The following PARP6 variants were observed in gnomAD, a reference collection of about 807,000 sequenced individuals.
PARP6 encodes poly(ADP-ribose) polymerase family member 6.
PARP6 carries 27 observed loss-of-function variants against 92.0 expected under a neutral mutation model. The observed-to-expected ratio is 0.29, with a 90% CI of 0.22 to 0.40. The LOEUF is 0.40. Ranked by LOEUF, PARP6 falls within the 10% of genes least tolerant of loss-of-function variation. PARP6 has a pLI of 1.00. For synonymous variants in PARP6, 272 were observed against 281.2 expected, an observed-to-expected ratio of 0.97 and a Z score of 0.33; for missense variants, 501 against 784.5, an observed-to-expected ratio of 0.64 and a Z score of 4.32.
intron 7 of PARP6, 35 bp from the exon 8 acceptor site, chr15:72,264,656 T>C (rs1180210485): frequency 1.3e-6 from 2 of 1,551,970 alleles, no homozygotes; most frequent in South Asian, 2.2e-5. Flanking sequence ...AGTAAGTACA[T>C]ATCTCTTGTC....
Position 72,242,230 on chromosome 15 carries a change from A to G in PARP6, c.1642-10T>C. 1 of 1,612,400 alleles carries G rather than the reference A, an allele frequency of 6.2e-7. No homozygotes were observed. The highest frequency in any genetic ancestry group is 8.5e-7 in the Non-Finnish European group (1 of 1,178,468). ...ACTGAATGGATCGGGTCTGGAAGAG[A>G]AGGAGGCAAAGGAGACCAGAGCCAG... is the stretch of plus-strand genomic sequence containing the variant. On this transcript the variant is annotated splice_polypyrimidine_tract_variant and intron_variant, in intron 21 of 23. Coordinates refer to ENST00000569795, the MANE Select transcript of PARP6 (RefSeq NM_001323532.2). The surrounding 1 kb of genome is among the most constrained non-coding windows in gnomAD (Gnocchi z 4.3).
At position 72,249,293 on chromosome 15, in the gene PARP6, T is replaced by C; in HGVS notation, c.1513A>G (p.Lys505Glu). 1 of 1,600,836 alleles carries C rather than the reference T, an allele frequency of 6.2e-7. No individual in the cohort carries two copies. The change falls in exon 20 of 24, where the codon AAA (lysine) becomes GAA (glutamate). Residue 505 changes from lysine to glutamate, a missense_variant. Physicochemically the swap from Lys to Glu is moderately conservative, Grantham distance 56. This residue lies in a region of PARP6 where 191 missense variants were observed against 399.1 expected (regional missense o/e 0.48). Coordinates refer to ENST00000569795, the MANE Select transcript of PARP6 (RefSeq NM_001323532.2). Reference protein sequence around the residue: ...KLQLHGAAYGKGIYLSPISSI... With the variant: ...KLQLHGAAYGEGIYLSPISSI... ...GAGATGGGGCTCAGGTAGATGCCTTTGCCATAGGCTGCTCCATGCAGCTTG... is the reference window on the plus strand; with the variant it reads ...GAGATGGGGCTCAGGTAGATGCCTTCGCCATAGGCTGCTCCATGCAGCTTG...
chr15:72,272,164 C>G (rs2087539672), intron 1 of PARP6: 1 of 152,306 alleles, frequency 6.6e-6, no homozygotes, highest in South Asian at 2.1e-4. Flanking sequence ...GGCTGCCCCG[C>G]GAAAACACTC....
intron 8 of PARP6, among the ~76,000 whole-genome samples, chr15:72,264,021 C>CAAA (rs34865114): frequency 4.1e-5 from 4 of 96,532 alleles, no homozygotes; most frequent in African/African-American, 1.5e-4. Context: ...ACTCTGTCTC[C>CAAA]AAAAAAAAAA....
Position 72,250,231 on chromosome 15 carries a change from G to A in PARP6, c.1419-139C>T, listed in dbSNP as rs2084170603. 4.6e-6 allele frequency: 3 copies of A among 658,886 alleles called. No homozygotes were observed. In the Admixed American group the frequency reaches 6.4e-5, roughly 14 times the overall value. The allele number at this position is 658,886 out of a possible 1,614,324, so 40.8% of individuals were successfully genotyped here. On this transcript the variant is annotated intron_variant, in intron 18 of 23. Coordinates refer to ENST00000569795, the MANE Select transcript of PARP6 (RefSeq NM_001323532.2). ...ACACCTAGTGATGGACATGCACATGGATACAGTCACAGGCATGCAAGATGT... is the reference window on the plus strand; with the variant it reads ...ACACCTAGTGATGGACATGCACATGAATACAGTCACAGGCATGCAAGATGT...
rs1203261022 is a variant in PARP6, at chr15:72,267,555, C to A, written c.-78G>T. On this transcript the variant is annotated 5_prime_UTR_variant, in exon 3 of 24. Transcript: ENST00000569795. The stretch of plus-strand genomic sequence containing the variant: ...ATACCACTAGCCGAACCAAGGCCAA[C>A]GAGATGGGCATTTAGGAGACCACAA... The A allele has an allele frequency of 6.6e-7, 1 of 1,505,056 alleles. No homozygotes were observed. The highest frequency in any genetic ancestry group is 1.4e-5 in the African/African-American group (1 of 72,834). The allele number at this position is 1,505,056 out of a possible 1,614,324, so 93.2% of individuals were successfully genotyped here. A position where few individuals can be genotyped will look rare whatever the true frequency, so the allele number is the denominator to read the frequency against.
chr15:72,269,157 C>T (rs1310580140), intron 2 of PARP6, among the ~76,000 whole-genome samples: 2 of 151,946 alleles, frequency 1.3e-5, no homozygotes, highest in Non-Finnish European at 2.9e-5. Flanking sequence ...CACAGTTCTT[C>T]TTCTTCTTCT....
At chr15:72,272,356 GA>G (rs1032671268) in intron 1 of PARP6, 36 bp downstream of exon 1, 1 of 152,520 alleles carries the variant, frequency 6.6e-6, no homozygotes, top group African/African-American at 2.4e-5. Flanking sequence ...TCCAGCCTAG[GA>G]GGGGCCCTCA....
rs1471511763 is a variant in PARP6 at position 72,271,003 on chromosome 15, T to C, written c.-195+20A>G. On this transcript the variant is annotated intron_variant, in intron 2 of 23. Coordinates refer to ENST00000569795, the MANE Select transcript of PARP6 (RefSeq NM_001323532.2). ...GACAAAAATCACACAAAAAAATGAT[T>C]TTAAAAAGCAAAACTTCACCTTCAA... 6.6e-6 allele frequency: 1 copy of C among 152,146 alleles called. No homozygotes were observed. The highest frequency in any genetic ancestry group is 1.5e-5 in the Non-Finnish European group (1 of 68,028). The allele number at this position is 152,146 out of a possible 1,614,324, so 9.4% of individuals were successfully genotyped here. A position where few individuals can be genotyped will look rare whatever the true frequency, so the allele number is the denominator to read the frequency against.
chr15:72,259,282 A>T (rs1381889673), intron 11 of PARP6, among the ~76,000 whole-genome samples: 1 of 152,232 alleles, frequency 6.6e-6, no homozygotes, highest in African/African-American at 2.4e-5. Context: ...GAAGAATACT[A>T]AAGATCATTT....
chr15:72,252,291 G>A lies in PARP6; in HGVS notation c.1260-1036C>T, dbSNP rs551565550. Among the ~76,000 whole-genome samples, 465 of 152,258 alleles carry A rather than the reference G, an allele frequency of 3.1e-3. 1 individual carries two copies. Among genetic ancestry groups the A allele is most frequent in the Non-Finnish European group, 5.5e-3 (372 of 68,026 alleles). ...AAATTAACAGTGTTAATTTCTACAT[G>A]CAAAGGACACAAAAACCTATTGGTG... On this transcript the variant is annotated intron_variant, in intron 16 of 23. Coordinates refer to ENST00000569795, the MANE Select transcript of PARP6 (RefSeq NM_001323532.2).
intron 7 of PARP6, 97 bp from the exon 8 acceptor site, chr15:72,264,718 T>C (rs1489242502): frequency 5.4e-6 from 5 of 925,298 alleles, no homozygotes; most frequent in Non-Finnish European, 8.6e-6. Context: ...CTAAAGATCA[T>C]AGCTGCTGGG....
chr15:72,253,369 A>C lies in PARP6; in HGVS notation c.1259+68T>G, dbSNP rs998949851. On this transcript the variant is annotated intron_variant, in intron 16 of 23. Coordinates refer to ENST00000569795, the MANE Select transcript of PARP6 (RefSeq NM_001323532.2). The stretch of plus-strand genomic sequence containing the variant: ...GTTGAAACCACCACTAAAAGAAGGT[A>C]CAGGTTCCATGTCCAATAACTCCCT... 7.3e-6 allele frequency: 9 copies of C among 1,236,140 alleles called. No individual in the cohort carries two copies. In the Admixed American group the frequency reaches 1.4e-4, roughly 19 times the overall value. The allele number at this position is 1,236,140 out of a possible 1,614,324, so 76.6% of individuals were successfully genotyped here. A position where few individuals can be genotyped will look rare whatever the true frequency, so the allele number is the denominator to read the frequency against.
chr15:72,265,058 T>C (rs916397309), intron 7 of PARP6, 23 bp downstream of exon 7: 6 of 1,541,668 alleles, frequency 3.9e-6, no homozygotes, highest in African/African-American at 2.7e-5. Context: ...GACCACCCAC[T>C]TGCCCAAAGT....
intron 1 of PARP6, among the ~76,000 whole-genome samples, chr15:72,271,838 C>T (rs770957815): frequency 2.6e-5 from 4 of 152,130 alleles, no homozygotes; most frequent in Non-Finnish European, 5.9e-5. Flanking sequence ...TAATATAGAA[C>T]GCTTTATGAG....
At position 72,241,608 on chromosome 15, in the gene PARP6, T is replaced by A. The variant is rs2083066458; in HGVS notation, c.1791-51A>T. ...CATAAGAGGGAGAACAATACCAGAA[T>A]AACATCAATCAGTGGAACTGTATTT... is the stretch of plus-strand genomic sequence containing the variant. On this transcript the variant is annotated intron_variant, in intron 23 of 23. Coordinates refer to ENST00000569795, the MANE Select transcript of PARP6 (RefSeq NM_001323532.2). This position sits in a 1 kb window ranked among gnomAD's most constrained non-coding sequence, Gnocchi z 4.1. 6 of 1,341,630 alleles carry A rather than the reference T, an allele frequency of 4.5e-6. No homozygotes were observed. The highest frequency in any genetic ancestry group is 1.2e-5 in the South Asian group (1 of 85,344). The allele number at this position is 1,341,630 out of a possible 1,614,324, so 83.1% of individuals were successfully genotyped here.
intron 2 of PARP6, among the ~76,000 whole-genome samples, chr15:72,269,521 T>C (rs899124414): frequency 5.3e-5 from 8 of 152,044 alleles, no homozygotes; most frequent in Non-Finnish European, 1.0e-4. Flanking sequence ...CTGACTGGGG[T>C]TGGTGGACCT....
Position 72,241,594 on chromosome 15 carries a change from G to A in PARP6, c.1791-37C>T. ...AGGGCAAGTGTGAGCATAAGAGGGAGAACAATACCAGAATAACATCAATCA... is the reference window on the plus strand; with the variant it reads ...AGGGCAAGTGTGAGCATAAGAGGGAAAACAATACCAGAATAACATCAATCA... On this transcript the variant is annotated intron_variant, in intron 23 of 23. Transcript: ENST00000569795. The surrounding 1 kb of genome is among the most constrained non-coding windows in gnomAD (Gnocchi z 4.1). 1.4e-6 allele frequency: 2 copies of A among 1,431,812 alleles called. No individual in the cohort carries two copies. The highest frequency in any genetic ancestry group is 2.0e-6 in the Non-Finnish European group (2 of 1,013,806). The allele number at this position is 1,431,812 out of a possible 1,614,324, so 88.7% of individuals were successfully genotyped here.
At chr15:72,246,883 T>C (rs888225256) in intron 20 of PARP6, among the ~76,000 whole-genome samples, 1 of 151,564 alleles carries the variant, frequency 6.6e-6, no homozygotes, top group Non-Finnish European at 1.5e-5. Flanking sequence ...GCCTCCTGAG[T>C]ATCTAGGATT....
Sources: gnomAD v4.1 joint callset for allele counts (sites outside exome capture counted in the v4.1 genomes callset) on GRCh38, gnomAD v4.1.1 for gene constraint, gnomAD v4.1.1 regional missense constraint, Gnocchi (gnomAD v3.1) non-coding constraint, MANE v1.5 for transcripts, NCBI Gene and HGNC (gene_info 2026-07-23, HGNC 2026-07-21) for gene names.